Variants in PACRG observed in about 807,000 individuals in gnomAD.
PACRG encodes the protein parkin coregulated, also known as parkin coregulated gene protein.
Under a neutral mutation model 29.7 loss-of-function variants are expected in PACRG, and 29 were observed. The observed-to-expected ratio is 0.98, with a 90% CI of 0.73 to 1.33. The LOEUF is 1.33. Among genes scored for constraint, PACRG ranks in the 40% most tolerant of loss-of-function variants. The pLI is 0.00. For synonymous variants in PACRG, 116 were observed against 118.7 expected, an observed-to-expected ratio of 0.98 and a Z score of 0.15; for missense variants, 279 against 316.2, an observed-to-expected ratio of 0.88 and a Z score of 0.89.
At chr6:163,308,781 T>C (rs1191496289) in intron 4 of PACRG, among the ~76,000 whole-genome samples, 1 of 152,036 alleles carries the variant, frequency 6.6e-6, no homozygotes, top group African/African-American at 2.4e-5. Context: ...TGCACAAACC[T>C]GCCAAGACCT....
chr6:163,226,960 A>C (rs1032447005), intron 4 of PACRG, among the ~76,000 whole-genome samples: 4 of 152,230 alleles, frequency 2.6e-5, no homozygotes, highest in African/African-American at 7.2e-5. Context: ...CTCATGTGTG[A>C]GATATGCCTC....
chr6:163,098,317 A>G (rs1004146660), intron 4 of PACRG, among the ~76,000 whole-genome samples: 1 of 152,112 alleles, frequency 6.6e-6, no homozygotes, highest in Non-Finnish European at 1.5e-5. Context: ...TCAGCCTACG[A>G]GACACCCTAC....
At chr6:163,033,696 C>A (rs1807884167) in intron 2 of PACRG, among the ~76,000 whole-genome samples, 1 of 152,170 alleles carries the variant, frequency 6.6e-6, no homozygotes, top group Non-Finnish European at 1.5e-5. Context: ...GACTCATTTT[C>A]CAAGCCAGGA....
chr6:163,144,879 A>G (rs1482421502), intron 4 of PACRG, among the ~76,000 whole-genome samples: 1 of 152,220 alleles, frequency 6.6e-6, no homozygotes, highest in Non-Finnish European at 1.5e-5. Flanking sequence ...TGAAAAAAAC[A>G]GAGGAGTTGT....
chr6:163,111,332 T>C (rs904730955), intron 4 of PACRG, among the ~76,000 whole-genome samples: 6 of 152,092 alleles, frequency 3.9e-5, no homozygotes, highest in African/African-American at 1.4e-4. Flanking sequence ...TACCAGAGGG[T>C]GGGGAACAAT....
intron 4 of PACRG, among the ~76,000 whole-genome samples, chr6:163,226,753 C>T (rs925050100): frequency 2.0e-5 from 3 of 152,202 alleles, no homozygotes; most frequent in Non-Finnish European, 2.9e-5. Context: ...TGGGGAGAAC[C>T]TGTTCTCTAG....
chr6:162,933,150 C>G (rs1797975533), intron 2 of PACRG, among the ~76,000 whole-genome samples: 1 of 152,028 alleles, frequency 6.6e-6, no homozygotes. Flanking sequence ...GTTGTTTACT[C>G]TCCGTACATT....
At chr6:162,995,696 G>A (rs530014440) in intron 2 of PACRG, among the ~76,000 whole-genome samples, 6 of 152,316 alleles carry the variant, frequency 3.9e-5, no homozygotes, top group Admixed American at 6.5e-5. Context: ...GAAATCACCC[G>A]TCTTCTGCGT....
chr6:163,099,832 G>A (rs1814928621), intron 4 of PACRG, among the ~76,000 whole-genome samples: 1 of 152,196 alleles, frequency 6.6e-6, no homozygotes, highest in Non-Finnish European at 1.5e-5. Context: ...GCAGGGGTGG[G>A]TAGTGAGGGT....
chr6:162,758,515 G>C (rs939093054), intron 1 of PACRG, among the ~76,000 whole-genome samples: 5 of 151,986 alleles, frequency 3.3e-5, no homozygotes, highest in Non-Finnish European at 7.4e-5. Context: ...CATTATTTGT[G>C]GTACCATTTT....
intron 4 of PACRG, among the ~76,000 whole-genome samples, chr6:163,122,642 CT>C (rs1183177296): frequency 1.3e-5 from 2 of 152,338 alleles, no homozygotes; most frequent in East Asian, 3.9e-4. Context: ...GAAGTAGACA[CT>C]GGTGCCACGC....
chr6:163,158,840 C>T lies in PACRG; in HGVS notation c.613+69432C>T, dbSNP rs58658242. Among the ~76,000 whole-genome samples, 1,229 of 152,264 alleles carry T rather than the reference C, an allele frequency of 8.1e-3. 13 individuals carry two copies. Among genetic ancestry groups the T allele is most frequent in the African/African-American group, 0.027 (1,109 of 41,544 alleles). On this transcript the variant is annotated intron_variant, in intron 4 of 4. Coordinates refer to ENST00000366888, the MANE Select transcript of PACRG (RefSeq NM_001080379.2). ...ACTTAAGTACCACTCTCAAACTAAA[C>T]ATGGCTTCTTTAGCTTTTTTTTTGC...
chr6:163,135,107 TATC>T (rs1397027925), intron 4 of PACRG, among the ~76,000 whole-genome samples: 1 of 152,200 alleles, frequency 6.6e-6, no homozygotes, highest in Non-Finnish European at 1.5e-5. Flanking sequence ...ATACTGTACA[TATC>T]ATTCTTCAAC....
At chr6:162,891,749 A>G (rs866860732) in intron 2 of PACRG, among the ~76,000 whole-genome samples, 63 of 152,260 alleles carry the variant, frequency 4.1e-4, no homozygotes, top group African/African-American at 1.4e-3. Flanking sequence ...CAAATCATGC[A>G]TGGAACCATG....
chr6:162,755,013 G>C (rs960666670), intron 1 of PACRG, among the ~76,000 whole-genome samples: 1 of 152,026 alleles, frequency 6.6e-6, no homozygotes, highest in African/African-American at 2.4e-5. Flanking sequence ...TCATGATTCA[G>C]TCTTGGAAAG....
chr6:163,104,907 A>C (rs544392562), intron 4 of PACRG, among the ~76,000 whole-genome samples: 30 of 152,350 alleles, frequency 2.0e-4, no homozygotes, highest in African/African-American at 7.2e-4. Flanking sequence ...TATACAGAGA[A>C]GAGTGTTCTC....
chr6:162,940,105 A>G (rs917920089), intron 2 of PACRG, among the ~76,000 whole-genome samples: 81 of 152,358 alleles, frequency 5.3e-4, no homozygotes, highest in African/African-American at 1.8e-3. Flanking sequence ...TATTATAGTC[A>G]TAAAGAAACA....
chr6:162,979,177 A>C (rs1802203733), intron 2 of PACRG, among the ~76,000 whole-genome samples: 2 of 152,204 alleles, frequency 1.3e-5, no homozygotes, highest in African/African-American at 4.8e-5. Flanking sequence ...CCACTTTGCC[A>C]GTCCAAGATG....
Position 163,195,954 on chromosome 6 carries a change from C to A in PACRG, c.613+106546C>A, listed in dbSNP as rs548386331. ...TCGCCTCCATTCTCCCGCTCTCCAG[C>A]AGGGCGCAGCTCCCTCTTGCTCTTT... On this transcript the variant is annotated intron_variant, in intron 4 of 4. Coordinates refer to ENST00000366888, the MANE Select transcript of PACRG (RefSeq NM_001080379.2). Among the ~76,000 whole-genome samples the A allele has an allele frequency of 4.6e-5, 7 of 152,322 alleles. No homozygotes were observed. The South Asian group carries it at 1.2e-3, about 27-fold the overall frequency.
Sources: gnomAD v4.1 joint callset for allele counts (sites outside exome capture counted in the v4.1 genomes callset) on GRCh38, gnomAD v4.1.1 for gene constraint, MANE v1.5 for transcripts, NCBI Gene and HGNC (gene_info 2026-07-23, HGNC 2026-07-21) for gene names.